Variants in LRRC4C observed in about 807,000 individuals in gnomAD.
LRRC4C encodes leucine-rich repeat-containing protein 4C.
Under a neutral mutation model 33.6 loss-of-function variants are expected in LRRC4C, and 5 were observed. That is an observed-to-expected ratio of 0.15 (90% CI 0.08 to 0.31). The LOEUF (loss-of-function observed/expected upper bound fraction) is 0.31, where lower values mean the gene tolerates loss of function less well. Ranked by LOEUF, LRRC4C falls within the 10% of genes least tolerant of loss-of-function variation. The probability of loss-of-function intolerance (pLI) is 1.00; values close to 1 mark genes in which losing one functional copy is unlikely to be tolerated. For missense variants in LRRC4C, 560 were observed against 796.7 expected (o/e 0.70, Z 3.58); for synonymous variants, 329 against 302.0 (o/e 1.09, Z -0.93).
At chr11:40,565,300 C>T (rs963907125) in intron 3 of LRRC4C, among the ~76,000 whole-genome samples, 1 of 152,056 alleles carries the variant, frequency 6.6e-6, no homozygotes, top group African/African-American at 2.4e-5. Context: ...CTCAGGTCTC[C>T]CTTCATGAAA....
intron 1 of LRRC4C, among the ~76,000 whole-genome samples, chr11:41,000,593 C>T (rs540787879): frequency 6.6e-6 from 1 of 152,226 alleles, no homozygotes; most frequent in Non-Finnish European, 1.5e-5. Flanking sequence ...GGTCTTATGA[C>T]AACACTGGGC....
intron 1 of LRRC4C, among the ~76,000 whole-genome samples, chr11:41,328,375 T>C (rs1591278606): frequency 1.3e-5 from 2 of 152,076 alleles, no homozygotes; most frequent in Non-Finnish European, 2.9e-5. Flanking sequence ...TTGTTTTGAG[T>C]TTTATTTAGA....
At chr11:40,311,150 G>A (rs201291224) in intron 4 of LRRC4C, among the ~76,000 whole-genome samples, 9 of 152,078 alleles carry the variant, frequency 5.9e-5, no homozygotes, top group Non-Finnish European at 1.2e-4. Context: ...TGATCAAGGC[G>A]GAAGCCACCC....
Position 41,317,762 on chromosome 11 carries a change from C to A in LRRC4C, c.-496+141669G>T, listed in dbSNP as rs371904477. Among the ~76,000 whole-genome samples the A allele has an allele frequency of 1.6e-3, 246 of 151,984 alleles. 1 individual carries two copies. The highest frequency in any genetic ancestry group is 5.6e-3 in the African/African-American group (231 of 41,440). ...ATTTTTCCTCTAATTTTTAAGTGTC[C>A]AAGACTCATAAATAGTAAACATATA... On this transcript the variant is annotated intron_variant, in intron 1 of 6. Transcript: ENST00000528697.
At chr11:40,904,178 T>C (rs967901368) in intron 2 of LRRC4C, among the ~76,000 whole-genome samples, 8 of 152,130 alleles carry the variant, frequency 5.3e-5, no homozygotes, top group African/African-American at 1.4e-4. Flanking sequence ...GGGCTGGCAA[T>C]TGCAAGTTAT....
At chr11:41,414,860 TC>T (rs1233919886) in intron 1 of LRRC4C, among the ~76,000 whole-genome samples, 8 of 152,134 alleles carry the variant, frequency 5.3e-5, no homozygotes, top group Non-Finnish European at 1.2e-4. Flanking sequence ...GAAGAAATCT[TC>T]CCCAGCAATT....
chr11:41,151,690 A>G (rs548348165), intron 1 of LRRC4C, among the ~76,000 whole-genome samples: 13 of 152,326 alleles, frequency 8.5e-5, no homozygotes, highest in Admixed American at 2.6e-4. Context: ...ATATTCTGTC[A>G]ACAACCATTA....
At chr11:41,041,648 G>T (rs947071710) in intron 1 of LRRC4C, among the ~76,000 whole-genome samples, 2 of 152,094 alleles carry the variant, frequency 1.3e-5, no homozygotes, top group Admixed American at 1.3e-4. Flanking sequence ...AACATACACA[G>T]AAATGTGCAC....
Position 40,935,033 on chromosome 11 carries a change from C to T in LRRC4C, c.-495-1310G>A, listed in dbSNP as rs372006298. On this transcript the variant is annotated intron_variant, in intron 1 of 6. Transcript: ENST00000528697. ...AATTTTGGTTCAAAGCACTTATTACCGTCTAGCATACAACATCTTTGACAA... is the reference window on the plus strand; with the variant it reads ...AATTTTGGTTCAAAGCACTTATTACTGTCTAGCATACAACATCTTTGACAA... 8.5e-5 allele frequency among the ~76,000 whole-genome samples: 13 copies of T among 152,064 alleles called. 1 individual carries two copies. The highest frequency in any genetic ancestry group is 5.9e-4 in the Admixed American group (9 of 15,242).
At chr11:40,362,890 C>T (rs1034858583) in intron 3 of LRRC4C, among the ~76,000 whole-genome samples, 5 of 152,084 alleles carry the variant, frequency 3.3e-5, no homozygotes, top group Non-Finnish European at 7.4e-5. Flanking sequence ...GTCAGAATGG[C>T]TATTATTAAA....
At chr11:40,654,826 C>A (rs188301782) in intron 2 of LRRC4C, among the ~76,000 whole-genome samples, 2 of 152,138 alleles carry the variant, frequency 1.3e-5, no homozygotes, top group African/African-American at 2.4e-5. Flanking sequence ...ATAATACCCA[C>A]GTGTCAAAGA....
At chr11:40,905,085 G>A (rs1012451124) in intron 2 of LRRC4C, among the ~76,000 whole-genome samples, 4 of 152,118 alleles carry the variant, frequency 2.6e-5, no homozygotes, top group South Asian at 2.1e-4. Flanking sequence ...AAGTTGTACA[G>A]GAGTGTATAT....
chr11:40,507,971 A>C (rs1411061525), intron 3 of LRRC4C, among the ~76,000 whole-genome samples: 2 of 152,060 alleles, frequency 1.3e-5, no homozygotes, highest in African/African-American at 4.8e-5. Context: ...ACACCTGCCT[A>C]GTCTCGAACT....
At chr11:41,014,717 G>C (rs918694795) in intron 1 of LRRC4C, among the ~76,000 whole-genome samples, 14 of 152,072 alleles carry the variant, frequency 9.2e-5, no homozygotes, top group African/African-American at 3.4e-4. Context: ...CAAGTCTGTG[G>C]ACCAGGGCAA....
chr11:40,480,031 T>C (rs573965633), intron 3 of LRRC4C, among the ~76,000 whole-genome samples: 17 of 152,306 alleles, frequency 1.1e-4, no homozygotes, highest in Middle Eastern at 3.4e-3. Flanking sequence ...GTTAATCCTA[T>C]ATTTGAAAGG....
chr11:41,403,036 A>AT (rs1263298721), intron 1 of LRRC4C, among the ~76,000 whole-genome samples: 2 of 152,106 alleles, frequency 1.3e-5, no homozygotes, highest in South Asian at 2.1e-4. Flanking sequence ...AAAGAACAGT[A>AT]TTTTTTTCTT....
intron 3 of LRRC4C, among the ~76,000 whole-genome samples, chr11:40,591,051 G>C (rs1451851013): frequency 6.6e-6 from 1 of 152,156 alleles, no homozygotes; most frequent in African/African-American, 2.4e-5. Context: ...GCACGCCTGG[G>C]CAATGGTGGG....
chr11:41,030,130 GA>G (rs1245619641), intron 1 of LRRC4C, among the ~76,000 whole-genome samples: 5 of 151,762 alleles, frequency 3.3e-5, no homozygotes, highest in Non-Finnish European at 5.9e-5. Context: ...AAGGCTGTAA[GA>G]AAAAATATGC....
Position 40,839,321 on chromosome 11 carries a change from G to A in LRRC4C, c.-407+94314C>T, listed in dbSNP as rs143954103. 2.5e-3 allele frequency among the ~76,000 whole-genome samples: 381 copies of A among 152,060 alleles called. 1 individual carries two copies. The highest frequency in any genetic ancestry group is 8.3e-3 in the African/African-American group (344 of 41,470). On this transcript the variant is annotated intron_variant, in intron 2 of 6. Coordinates refer to ENST00000528697, the MANE Select transcript of LRRC4C (RefSeq NM_001258419.2). Reference sequence around the variant, plus strand: ...ACAATCTCGGCTTACTGCAACCTCCGCCTCAGCAATTCTCAGCAATTCTCA... The same window carrying A: ...ACAATCTCGGCTTACTGCAACCTCCACCTCAGCAATTCTCAGCAATTCTCA...
Sources: allele counts gnomAD v4.1 joint callset (sites outside exome capture counted in the v4.1 genomes callset), GRCh38; gene constraint gnomAD v4.1.1; transcripts MANE v1.5; gene names NCBI Gene and HGNC (gene_info 2026-07-23, HGNC 2026-07-21).